Variants in MDFIC observed in about 807,000 individuals in gnomAD.
The protein encoded by MDFIC is MyoD family inhibitor domain containing.
A neutral mutation model predicts 23.2 loss-of-function variants in MDFIC; 17 were observed. The observed-to-expected ratio is 0.73, with a 90% confidence interval of 0.50 to 1.10. The LOEUF (loss-of-function observed/expected upper bound fraction) is 1.10, where lower values mean the gene tolerates loss of function less well. Among genes scored for constraint, MDFIC ranks in the 50% least tolerant of loss-of-function variants. The probability of loss-of-function intolerance (pLI) is 0.00; values close to 1 mark genes in which losing one functional copy is unlikely to be tolerated. For synonymous variants in MDFIC, 120 were observed against 115.2 expected, an observed-to-expected ratio of 1.04 and a Z score of -0.27; for missense variants, 356 against 316.6, an observed-to-expected ratio of 1.12 and a Z score of -0.95.
At chr7:114,925,023 G>C (rs1295584192) in intron 2 of MDFIC, among the ~76,000 whole-genome samples, 1 of 152,076 alleles carries the variant, frequency 6.6e-6, no homozygotes, top group Non-Finnish European at 1.5e-5. Flanking sequence ...CTGAAGAATA[G>C]CTTAATAATT....
intron 4 of MDFIC, among the ~76,000 whole-genome samples, chr7:115,005,259 G>C (rs189957224): frequency 1.4e-4 from 21 of 152,316 alleles, no homozygotes; most frequent in East Asian, 1.3e-3. Context: ...TAAGTTTCCA[G>C]CATCACAATC....
At chr7:114,923,501 G>C (rs1450399199) in intron 2 of MDFIC, 1 of 1,537,802 alleles carries the variant, frequency 6.5e-7, no homozygotes, top group East Asian at 2.4e-5. Flanking sequence ...CTCTGAACAA[G>C]CGTGCACTTA....
chr7:114,928,015 G>T (rs927087791), intron 2 of MDFIC, among the ~76,000 whole-genome samples: 1 of 152,174 alleles, frequency 6.6e-6, no homozygotes, highest in Non-Finnish European at 1.5e-5. Context: ...AGGGCATGTA[G>T]ATTTGAAAGA....
At position 115,015,904 on chromosome 7, in the gene MDFIC, T is replaced by C. The variant is rs1323342559; in HGVS notation, c.710T>C (p.Met237Thr). The C allele has an allele frequency of 3.1e-6, 5 of 1,613,208 alleles. No homozygotes were observed. In the South Asian group the frequency reaches 5.5e-5, roughly 18 times the overall value. The change falls in exon 5 of 5, where the codon ATG becomes ACG. Residue 237 changes from methionine to threonine, a missense_variant. Met to Thr is a moderately conservative substitution (Grantham distance 81). Transcript: ENST00000393486. ...TCATCAGACTGCTTGGAAATCTGTA[T>C]GGAATGCTGTGGAATTTGTTTTCCT... ...CESSDCLEIC[M>T]ECCGICFPS is the part of the protein sequence containing the mutation.
chr7:115,011,423 G>A (rs903437269), intron 4 of MDFIC, among the ~76,000 whole-genome samples: 3 of 152,072 alleles, frequency 2.0e-5, no homozygotes, highest in Non-Finnish European at 4.4e-5. Flanking sequence ...TTTGAAAACA[G>A]CAAATAAATA....
chr7:114,950,271 G>A (rs542556653), intron 3 of MDFIC, among the ~76,000 whole-genome samples: 11 of 152,252 alleles, frequency 7.2e-5, no homozygotes, highest in African/African-American at 4.8e-5. Flanking sequence ...AGGAGGAGAT[G>A]GATTCAGCTT....
chr7:114,984,360 T>C (rs1793474226), intron 4 of MDFIC, among the ~76,000 whole-genome samples: 1 of 152,060 alleles, frequency 6.6e-6, no homozygotes, highest in Admixed American at 6.6e-5. Flanking sequence ...GTGCCCAACA[T>C]AAAAAAGTTT....
chr7:114,958,332 A>G (rs764967003), intron 3 of MDFIC, among the ~76,000 whole-genome samples: 8 of 152,204 alleles, frequency 5.3e-5, no homozygotes. Flanking sequence ...ACAGTTTACC[A>G]TATACTCTGG....
chr7:114,968,728 G>A (rs967754897), intron 3 of MDFIC, among the ~76,000 whole-genome samples: 5 of 152,062 alleles, frequency 3.3e-5, no homozygotes, highest in African/African-American at 7.2e-5. Context: ...GTATTTTAAG[G>A]GAATTTATGG....
At chr7:114,948,094 C>T (rs1241193097) in intron 3 of MDFIC, among the ~76,000 whole-genome samples, 1 of 152,102 alleles carries the variant, frequency 6.6e-6, no homozygotes, top group Non-Finnish European at 1.5e-5. Context: ...TTAATAAATG[C>T]ATGATGACTT....
intron 3 of MDFIC, among the ~76,000 whole-genome samples, chr7:114,960,708 C>T (rs1792973783): frequency 6.6e-6 from 1 of 151,818 alleles, no homozygotes; most frequent in South Asian, 2.1e-4. Flanking sequence ...TTTTGTTTGC[C>T]TCTTAGGAAA....
intron 3 of MDFIC, among the ~76,000 whole-genome samples, chr7:114,969,117 A>C (rs546001937): frequency 6.6e-6 from 1 of 152,330 alleles, no homozygotes; most frequent in Admixed American, 6.5e-5. Context: ...GCATTTCTCT[A>C]CACATAGTAT....
At chr7:114,993,608 C>G (rs1791239939) in intron 4 of MDFIC, among the ~76,000 whole-genome samples, 2 of 152,072 alleles carry the variant, frequency 1.3e-5, no homozygotes, top group Non-Finnish European at 1.5e-5. Context: ...CAAAATGTAC[C>G]CAGTAGTCAT....
At chr7:114,980,205 T>C (rs958293282) in intron 4 of MDFIC, 4 of 222,450 alleles carry the variant, frequency 1.8e-5, no homozygotes, top group Non-Finnish European at 2.7e-5. Context: ...TAGACAAAGC[T>C]AAAATGAGAG....
intron 4 of MDFIC, among the ~76,000 whole-genome samples, chr7:114,994,275 C>CAAT (rs745355728): frequency 0.025 from 3,863 of 152,304 alleles, 75 homozygotes; most frequent in Non-Finnish European, 0.04. Context: ...CTGAATACAA[C>CAAT]ACACTGTTGG....
intron 2 of MDFIC, among the ~76,000 whole-genome samples, chr7:114,926,777 T>C (rs1168193844): frequency 1.3e-5 from 2 of 152,216 alleles, no homozygotes. Context: ...CAGTAGTTTA[T>C]AGAGGCTAAT....
intron 3 of MDFIC, among the ~76,000 whole-genome samples, chr7:114,976,695 G>A (rs548433406): frequency 6.6e-6 from 1 of 152,182 alleles, no homozygotes; most frequent in Admixed American, 6.5e-5. Flanking sequence ...GTGTGAAAGT[G>A]TACATTTAAG....
At chr7:114,926,135 G>C (rs73212695) in intron 2 of MDFIC, among the ~76,000 whole-genome samples, 5 of 152,278 alleles carry the variant, frequency 3.3e-5, no homozygotes, top group Non-Finnish European at 7.4e-5. Flanking sequence ...GAAAATGTAA[G>C]TATTTGCCCT....
At chr7:114,964,661 G>A (rs750859685) in intron 3 of MDFIC, among the ~76,000 whole-genome samples, 3 of 151,816 alleles carry the variant, frequency 2.0e-5, no homozygotes, top group Admixed American at 6.6e-5. Flanking sequence ...AGCGATTCTC[G>A]TGCCTCAGCC....
Sources: allele counts gnomAD v4.1 joint callset (sites outside exome capture counted in the v4.1 genomes callset), GRCh38; gene constraint gnomAD v4.1.1; transcripts MANE v1.5; gene names NCBI Gene and HGNC (gene_info 2026-07-23, HGNC 2026-07-21).